TGFA: variants seen among roughly 807,000 people sequenced by gnomAD.
TGFA encodes the protein transforming growth factor alpha.
Under a neutral mutation model 21.7 loss-of-function variants are expected in TGFA, and 12 were observed. The ratio of observed to expected loss-of-function variants is 0.55; its 90% CI spans 0.35 to 0.90. The LOEUF (loss-of-function observed/expected upper bound fraction) is 0.90, where lower values mean the gene tolerates loss of function less well. Among genes scored for constraint, TGFA ranks in the 40% least tolerant of loss-of-function variants. The pLI is 0.01. For missense variants in TGFA, 178 were observed against 210.8 expected (o/e 0.84, Z 0.96); for synonymous variants, 79 against 88.1 (o/e 0.90, Z 0.58).
chr2:70,542,867 C>G (rs929749724), intron 1 of TGFA, among the ~76,000 whole-genome samples: 5 of 152,174 alleles, frequency 3.3e-5, no homozygotes, highest in Admixed American at 2.6e-4. Context: ...CTTTGGGAGG[C>G]CGAGGTGGGC....
At chr2:70,536,919 C>T (rs187359927) in intron 1 of TGFA, among the ~76,000 whole-genome samples, 4 of 151,786 alleles carry the variant, frequency 2.6e-5, no homozygotes, top group Admixed American at 2.6e-4. Context: ...AGGCATATTT[C>T]ATTTGATAGA....
intron 1 of TGFA, among the ~76,000 whole-genome samples, chr2:70,523,957 A>G (rs572533879): frequency 1.3e-3 from 204 of 152,274 alleles, no homozygotes; most frequent in African/African-American, 4.5e-3. Context: ...TTTTCCTGAC[A>G]TCTGGAGAAG....
intron 1 of TGFA, among the ~76,000 whole-genome samples, chr2:70,516,545 G>A (rs956774337): frequency 1.3e-5 from 2 of 152,178 alleles, no homozygotes; most frequent in Non-Finnish European, 2.9e-5. Flanking sequence ...AGGGCAGGGG[G>A]ACAGGGAGAG....
chr2:70,473,955 C>A (rs1306956279), intron 2 of TGFA, among the ~76,000 whole-genome samples: 1 of 152,104 alleles, frequency 6.6e-6, no homozygotes, highest in Non-Finnish European at 1.5e-5. Flanking sequence ...CATTCCCCAA[C>A]CCCAGATTCA....
intron 1 of TGFA, among the ~76,000 whole-genome samples, chr2:70,517,079 C>T (rs1372850195): frequency 6.6e-6 from 1 of 152,210 alleles, no homozygotes; most frequent in Non-Finnish European, 1.5e-5. Context: ...GCAATGGGGG[C>T]CTGCTCCCCA....
chr2:70,467,015 G>T (rs1363080915), intron 2 of TGFA, among the ~76,000 whole-genome samples: 1 of 151,792 alleles, frequency 6.6e-6, no homozygotes, highest in African/African-American at 2.4e-5. Flanking sequence ...GAGTGTGGGG[G>T]GAGTGTTCTC....
intron 2 of TGFA, among the ~76,000 whole-genome samples, chr2:70,471,344 C>G (rs1553493217): frequency 6.6e-6 from 1 of 152,152 alleles, no homozygotes; most frequent in Admixed American, 6.5e-5. Flanking sequence ...GTGGGTCAAA[C>G]CACAGTCCCA....
chr2:70,500,115 C>T (rs1357012891), intron 2 of TGFA, among the ~76,000 whole-genome samples: 2 of 152,182 alleles, frequency 1.3e-5, no homozygotes, highest in Admixed American at 1.3e-4. Context: ...ATTTTCAACA[C>T]ATCTCCATTG....
At chr2:70,500,269 T>C (rs1315936920) in intron 2 of TGFA, among the ~76,000 whole-genome samples, 3 of 152,180 alleles carry the variant, frequency 2.0e-5, no homozygotes, top group Non-Finnish European at 1.5e-5. Flanking sequence ...TCAGGAACTC[T>C]TTTACTTAAA....
chr2:70,485,045 A>G (rs1199537198), intron 2 of TGFA, among the ~76,000 whole-genome samples: 2 of 152,172 alleles, frequency 1.3e-5, no homozygotes, highest in African/African-American at 2.4e-5. Flanking sequence ...CATTTCCTCA[A>G]CAAGCCCACA....
chr2:70,468,783 A>G (rs1450837688), intron 2 of TGFA, among the ~76,000 whole-genome samples: 1 of 152,222 alleles, frequency 6.6e-6, no homozygotes, highest in East Asian at 1.9e-4. Flanking sequence ...GTCTAGTTGC[A>G]GAGAAACAAG....
chr2:70,457,598 G>A (rs1389541522), intron 3 of TGFA, among the ~76,000 whole-genome samples: 1 of 150,572 alleles, frequency 6.6e-6, no homozygotes, highest in Admixed American at 6.6e-5. Flanking sequence ...CTGGAGTGCA[G>A]TGGCGGGATC....
At chr2:70,485,257 G>C (rs2103768231) in intron 2 of TGFA, among the ~76,000 whole-genome samples, 1 of 151,550 alleles carries the variant, frequency 6.6e-6, no homozygotes, top group Non-Finnish European at 1.5e-5. Flanking sequence ...CTTTCTTTTT[G>C]AGACAGACTC....
chr2:70,492,409 C>A (rs1036018656), intron 2 of TGFA, among the ~76,000 whole-genome samples: 30 of 152,306 alleles, frequency 2.0e-4, no homozygotes, highest in Non-Finnish European at 4.0e-4. Context: ...ACTGTGGTCC[C>A]TTGAGGTCCA....
At chr2:70,529,435 G>A (rs1467066727) in intron 1 of TGFA, among the ~76,000 whole-genome samples, 1 of 152,152 alleles carries the variant, frequency 6.6e-6, no homozygotes, top group Non-Finnish European at 1.5e-5. Context: ...CACAGACACT[G>A]GAGCATTTTT....
chr2:70,533,797 C>G lies in TGFA; in HGVS notation c.41-18885G>C, dbSNP rs146985456. On this transcript the variant is annotated intron_variant, in intron 1 of 5. Coordinates refer to ENST00000295400, the MANE Select transcript of TGFA (RefSeq NM_003236.4). ...GATGTGAATGATTTGGAATTACAAG[C>G]AAATTAAGGGGAAACTCTCCTAAAG... 4.6e-5 allele frequency among the ~76,000 whole-genome samples: 7 copies of G among 152,140 alleles called. No homozygotes were observed. In the East Asian group the frequency reaches 1.4e-3, roughly 29 times the overall value.
In TGFA at chr2:70,449,001, C is replaced by T. The variant is rs1437238814; in HGVS notation, c.*1858G>A. On this transcript the variant is annotated 3_prime_UTR_variant, in exon 6 of 6. Transcript: ENST00000295400. ...CTCTAAGCAGGATGCTACAGTCAAG[C>T]CTCAACCCACATATCTGGCCCAAGG... is the stretch of plus-strand genomic sequence containing the variant. The T allele has an allele frequency of 6.6e-6, 1 of 152,194 alleles. No individual in the cohort carries two copies. The highest frequency in any genetic ancestry group is 1.5e-5 in the Non-Finnish European group (1 of 68,040). The allele number at this position is 152,194 out of a possible 1,614,324, so 9.4% of individuals were successfully genotyped here.
intron 1 of TGFA, among the ~76,000 whole-genome samples, chr2:70,522,141 C>T (rs926381066): frequency 2.0e-5 from 3 of 152,198 alleles, no homozygotes; most frequent in Non-Finnish European, 4.4e-5. Flanking sequence ...CATCTCTATC[C>T]TTACACCTGG....
At chr2:70,472,333 C>G (rs111937678) in intron 2 of TGFA, among the ~76,000 whole-genome samples, 2 of 152,270 alleles carry the variant, frequency 1.3e-5, no homozygotes, top group East Asian at 1.9e-4. Flanking sequence ...GACCTCATAT[C>G]GAGCCCACCA....
Sources: allele counts gnomAD v4.1 joint callset (sites outside exome capture counted in the v4.1 genomes callset), GRCh38; gene constraint gnomAD v4.1.1; transcripts MANE v1.5; gene names NCBI Gene and HGNC (gene_info 2026-07-23, HGNC 2026-07-21).